FGD4: variants seen among roughly 807,000 people sequenced by gnomAD.
FGD4 encodes the protein FYVE, RhoGEF and PH domain-containing protein 4.
FGD4 carries 42 observed loss-of-function variants against 102.0 expected under a neutral mutation model. The observed-to-expected ratio is 0.41, with a 90% CI of 0.32 to 0.53. The LOEUF is 0.53. Among genes scored for constraint, FGD4 ranks in the 20% least tolerant of loss-of-function variants. The probability of loss-of-function intolerance (pLI) is 0.21; values close to 1 mark genes in which losing one functional copy is unlikely to be tolerated. For missense variants in FGD4, 902 were observed against 1,078.2 expected, an observed-to-expected ratio of 0.84 and a Z score of 2.29; for synonymous variants, 380 against 375.7, an observed-to-expected ratio of 1.01 and a Z score of -0.13.
chr12:32,496,895 T>C (rs184081752), intron 1 of FGD4, among the ~76,000 whole-genome samples: 120 of 152,332 alleles, frequency 7.9e-4, no homozygotes, highest in African/African-American at 2.8e-3. Context: ...ATAGGGAATA[T>C]TACTGTAATG....
chr12:32,498,844 G>T (rs113303813), intron 1 of FGD4, among the ~76,000 whole-genome samples: 1 of 152,114 alleles, frequency 6.6e-6, no homozygotes, highest in African/African-American at 2.4e-5. Flanking sequence ...CTCGTGATCC[G>T]CCTGCCTTGG....
At position 32,641,144 on chromosome 12, in the gene FGD4, G is replaced by A. The variant is rs1951137088; in HGVS notation, c.*611G>A. On this transcript the variant is annotated 3_prime_UTR_variant, in exon 17 of 17. Coordinates refer to ENST00000534526, the MANE Select transcript of FGD4 (RefSeq NM_001370298.3). ...AATGTCTTAAGTATATAGCAATTAT[G>A]TATATATAGTATTAAATATATATAT... is the stretch of plus-strand genomic sequence containing the variant. The A allele has an allele frequency of 6.6e-6, 1 of 152,134 alleles. No homozygotes were observed. Among genetic ancestry groups the A allele is most frequent in the African/African-American group, 2.4e-5 (1 of 41,350 alleles). 9.4% of individuals were successfully genotyped at this position (152,134 alleles called of 1,614,324 possible).
intron 1 of FGD4, chr12:32,534,368 C>G (rs955004765): frequency 2.0e-6 from 3 of 1,464,650 alleles, no homozygotes; most frequent in Non-Finnish European, 2.7e-6. Context: ...TAATCTTCAG[C>G]CTCCCTGAAG....
intron 1 of FGD4, chr12:32,485,969 A>G (rs1943887062): frequency 2.3e-6 from 3 of 1,325,448 alleles, no homozygotes; most frequent in South Asian, 2.1e-5. Context: ...TGTACTTCCC[A>G]TTAGTTAGTT....
rs1297195230 is a variant in FGD4, at chr12:32,642,875, A to G, written c.*2342A>G. 1 of 152,538 alleles carries G rather than the reference A, an allele frequency of 6.6e-6. No individual in the cohort carries two copies. Among genetic ancestry groups the G allele is most frequent in the Non-Finnish European group, 1.5e-5 (1 of 67,952 alleles). The allele number at this position is 152,538 out of a possible 1,614,324, so 9.4% of individuals were successfully genotyped here. A position where few individuals can be genotyped will look rare whatever the true frequency, so the allele number is the denominator to read the frequency against. ...AATACCCTTAGCCATTTATTAAACA[A>G]TTCAACCAAGAGACCTCAAAGTGTG... is the stretch of plus-strand genomic sequence containing the variant. On this transcript the variant is annotated 3_prime_UTR_variant, in exon 17 of 17. Coordinates refer to ENST00000534526, the MANE Select transcript of FGD4 (RefSeq NM_001370298.3).
At chr12:32,580,746 G>A (rs1383097901) in intron 3 of FGD4, among the ~76,000 whole-genome samples, 2 of 152,086 alleles carry the variant, frequency 1.3e-5, no homozygotes, top group Non-Finnish European at 2.9e-5. Context: ...AATTAGCCGG[G>A]CGTGGTGGCG....
At chr12:32,450,570 A>C (rs2728712) in intron 1 of FGD4, among the ~76,000 whole-genome samples, 61,184 of 151,576 alleles carry the variant, frequency 0.4, 14,435 homozygotes, top group African/African-American at 0.66. Context: ...CTGTTACTAG[A>C]ATCAGCGATT....
At chr12:32,437,619 G>A (rs1288941757) in intron 1 of FGD4, among the ~76,000 whole-genome samples, 2 of 152,152 alleles carry the variant, frequency 1.3e-5, no homozygotes, top group African/African-American at 4.8e-5. Context: ...TGTTCCTAAA[G>A]TCTTAGAAAG....
At chr12:32,496,091 T>C (rs542378541) in intron 1 of FGD4, among the ~76,000 whole-genome samples, 1 of 152,328 alleles carries the variant, frequency 6.6e-6, no homozygotes, top group South Asian at 2.1e-4. Flanking sequence ...AACATTCAAC[T>C]GATCATTACA....
At chr12:32,586,342 A>C (rs1021354531) in intron 4 of FGD4, among the ~76,000 whole-genome samples, 7 of 152,226 alleles carry the variant, frequency 4.6e-5, no homozygotes, top group African/African-American at 1.7e-4. Flanking sequence ...CACAAAAACC[A>C]CACCCATAAT....
Position 32,643,870 on chromosome 12 carries a change from G to A in FGD4, c.*3337G>A, listed in dbSNP as rs1010765588. On this transcript the variant is annotated 3_prime_UTR_variant, in exon 17 of 17. Transcript: ENST00000534526. ...GGTGGTTGCTTTTATTTGTTTTCTG[G>A]TTATATTCAAAGCCTTAAGTTCTTA... 2 of 151,768 alleles carry A rather than the reference G, an allele frequency of 1.3e-5. No individual in the cohort carries two copies. The highest frequency in any genetic ancestry group is 3.9e-4 in the East Asian group (2 of 5,188). The allele number at this position is 151,768 out of a possible 1,614,324, so 9.4% of individuals were successfully genotyped here. A position where few individuals can be genotyped will look rare whatever the true frequency, so the allele number is the denominator to read the frequency against.
Position 32,399,636 on chromosome 12 carries a change from G to A in FGD4, c.-158G>A. ...GCGACGCCGGGAGGGAGCGTACCGG[G>A]AAGGAGAGGGAGAGGAGGCACTCGC... On this transcript the variant is annotated 5_prime_UTR_variant, in exon 1 of 17. Coordinates refer to ENST00000534526, the MANE Select transcript of FGD4 (RefSeq NM_001370298.3). The A allele has an allele frequency of 7.1e-6, 10 of 1,405,580 alleles. No homozygotes were observed. The South Asian group carries it at 1.5e-4, about 22-fold the overall frequency. 87.1% of individuals were successfully genotyped at this position (1,405,580 alleles called of 1,614,324 possible).
chr12:32,414,276 T>TC (rs1007696518), intron 1 of FGD4, among the ~76,000 whole-genome samples: 1 of 152,106 alleles, frequency 6.6e-6, no homozygotes, highest in African/African-American at 2.4e-5. Flanking sequence ...CCAGCCTACT[T>TC]CTTTTTTTTT....
At chr12:32,568,442 TTTC>T (rs969447557) in intron 2 of FGD4, among the ~76,000 whole-genome samples, 3 of 152,128 alleles carry the variant, frequency 2.0e-5, no homozygotes, top group African/African-American at 7.3e-5. Context: ...AGCATAAGTC[TTTC>T]TTCTTGTTCA....
intron 1 of FGD4, among the ~76,000 whole-genome samples, chr12:32,550,243 G>A (rs187156985): frequency 1.3e-5 from 2 of 152,144 alleles, no homozygotes; most frequent in South Asian, 4.1e-4. Flanking sequence ...AACAAAGAAT[G>A]GAATAAAGTA....
chr12:32,413,129 A>G (rs1383213977), intron 1 of FGD4, among the ~76,000 whole-genome samples: 2 of 151,532 alleles, frequency 1.3e-5, no homozygotes, highest in East Asian at 1.9e-4. Context: ...ATAATTACCA[A>G]CAGGGTGGGG....
At chr12:32,591,052 G>A (rs796874244) in intron 4 of FGD4, among the ~76,000 whole-genome samples, 6 of 152,238 alleles carry the variant, frequency 3.9e-5, no homozygotes, top group African/African-American at 9.6e-5. Context: ...CTGATAAATT[G>A]TGGTACAAAA....
intron 1 of FGD4, among the ~76,000 whole-genome samples, chr12:32,426,974 G>T (rs1460614424): frequency 6.7e-6 from 1 of 149,832 alleles, no homozygotes; most frequent in South Asian, 2.1e-4. Context: ...TCTTAGTCTG[G>T]CTAGTGGTCT....
In FGD4 at chr12:32,524,005, G is replaced by A. The variant is rs192624922; in HGVS notation, c.167-40132G>A. Among the ~76,000 whole-genome samples, 1,301 of 151,710 alleles carry A rather than the reference G, an allele frequency of 8.6e-3. 22 individuals carry two copies. Among genetic ancestry groups the A allele is most frequent in the African/African-American group, 0.03 (1,260 of 41,344 alleles). Reference sequence around the variant, plus strand: ...AAAAGAGAAAATACATAGTTCTTCCGGTTTGAATAGCCACTTGGCACTGAT... The same window carrying A: ...AAAAGAGAAAATACATAGTTCTTCCAGTTTGAATAGCCACTTGGCACTGAT... On this transcript the variant is annotated intron_variant, in intron 1 of 16. Transcript: ENST00000534526.
Sources: gnomAD v4.1 joint callset for allele counts (sites outside exome capture counted in the v4.1 genomes callset) on GRCh38, gnomAD v4.1.1 for gene constraint, MANE v1.5 for transcripts, NCBI Gene and HGNC (gene_info 2026-07-23, HGNC 2026-07-21) for gene names.